Variants in DSC3 observed in about 807,000 individuals in gnomAD.
DSC3 encodes desmocollin 3.
In DSC3, 97 loss-of-function variants were observed where a neutral mutation model predicts 89.5. The observed-to-expected ratio is 1.08, with a 90% confidence interval of 0.92 to 1.28. The LOEUF (loss-of-function observed/expected upper bound fraction) is 1.28, where lower values mean the gene tolerates loss of function less well. Among genes scored for constraint, DSC3 ranks in the 50% most tolerant of loss-of-function variants. DSC3 has a pLI of 0.00. For missense variants in DSC3, 1,199 were observed against 1,085.3 expected, an observed-to-expected ratio of 1.10 and a Z score of -1.47; for synonymous variants, 436 against 384.1, an observed-to-expected ratio of 1.14 and a Z score of -1.58.
chr18:31,001,645 G>A lies in DSC3; in HGVS notation c.2208C>T (p.Asn736=). 3 of 1,611,140 alleles carry A rather than the reference G, an allele frequency of 1.9e-6. No homozygotes were observed. The highest frequency in any genetic ancestry group is 2.7e-5 in the African/African-American group (2 of 74,974). ...CTCTATCGTCTCCAGGTGCTTCTGTGTTTGATATAATTAAGTTTTGCTGTG... is the reference window on the plus strand; with the variant it reads ...CTCTATCGTCTCCAGGTGCTTCTGTATTTGATATAATTAAGTTTTGCTGTG... ...DLAQQNLIIS[N]TEAPGDDRVC... Residue 736 remains asparagine, a synonymous_variant, in exon 14 of 16, where the codon AAC becomes AAT. Coordinates refer to ENST00000360428, the MANE Select transcript of DSC3 (RefSeq NM_001941.5).
intron 5 of DSC3, among the ~76,000 whole-genome samples, 189 bp downstream of exon 5, chr18:31,025,571 G>T (rs1338207699): frequency 6.6e-6 from 1 of 152,046 alleles, no homozygotes; most frequent in Non-Finnish European, 1.5e-5. Flanking sequence ...TTCATTTCAG[G>T]CTTACCTAAC....
intron 15 of DSC3, among the ~76,000 whole-genome samples, 160 bp downstream of exon 15, chr18:30,996,631 A>T (rs1256877258): frequency 6.6e-6 from 1 of 152,162 alleles, no homozygotes; most frequent in East Asian, 1.9e-4. Flanking sequence ...ATCTCTTTTA[A>T]ATTAAATAAT....
intron 13 of DSC3, among the ~76,000 whole-genome samples, chr18:31,003,473 C>A (rs1984735575): frequency 6.6e-6 from 1 of 152,136 alleles, no homozygotes; most frequent in Non-Finnish European, 1.5e-5. Context: ...ACTTCACATG[C>A]ATTACCTCAT....
chr18:31,031,140 G>T lies in DSC3; in HGVS notation c.187C>A (p.Leu63Ile). Reference protein sequence around the residue: ...NLEECFRSADLIRSSDPDFRV... With the variant: ...NLEECFRSADIIRSSDPDFRV... Reference sequence around the variant, plus strand: ...AAATCAGGATCACTTGACCGGATGAGGTCTGCAGACCTGAAGCACTCTTCC... The same window carrying T: ...AAATCAGGATCACTTGACCGGATGATGTCTGCAGACCTGAAGCACTCTTCC... The change falls in exon 3 of 16, where the codon CTC becomes ATC. Residue 63 changes from leucine (L) to isoleucine (I), a missense_variant. Coordinates refer to ENST00000360428, the MANE Select transcript of DSC3 (RefSeq NM_001941.5). The T allele has an allele frequency of 6.2e-7, 1 of 1,613,222 alleles. No individual in the cohort carries two copies. The highest frequency in any genetic ancestry group is 8.5e-7 in the Non-Finnish European group (1 of 1,179,730).
chr18:31,033,618 A>T (rs1466321953), intron 1 of DSC3, among the ~76,000 whole-genome samples: 1 of 152,226 alleles, frequency 6.6e-6, no homozygotes, highest in East Asian at 1.9e-4. Context: ...ACAGACATAA[A>T]TGTAAGAAAT....
At chr18:31,007,892 AAG>A in intron 11 of DSC3, 122 bp downstream of exon 11, 1 of 894,320 alleles carries the variant, frequency 1.1e-6, no homozygotes, top group South Asian at 1.7e-5. Context: ...GAGAGACAGA[AAG>A]AGTCTTTAAA....
intron 1 of DSC3, among the ~76,000 whole-genome samples, chr18:31,032,585 T>TGTGCGTGTGC (rs1555634792): frequency 1.2e-4 from 14 of 117,718 alleles, no homozygotes; most frequent in Non-Finnish European, 1.9e-4. Context: ...TGTGTGTGTG[T>TGTGCGTGTGC]GTGTGCGTGT....
rs1448874017 is a variant in DSC3, at chr18:31,025,859, T to G, written c.531A>C (p.Gly177=). ...ACAAATTTAAAGGTTCTTTATCAAC[T>G]CCACGTCCACTTATTGAGTAGAAGA... is the stretch of plus-strand genomic sequence containing the variant. The part of the protein sequence containing the change: ...YTVFYSISGR[G]VDKEPLNLFY... Residue 177 remains glycine (G), a synonymous_variant, in exon 5 of 16, where the codon GGA becomes GGC. Coordinates refer to ENST00000360428, the MANE Select transcript of DSC3 (RefSeq NM_001941.5). 6.2e-7 allele frequency: 1 copy of G among 1,613,180 alleles called. No individual in the cohort carries two copies.
At chr18:31,029,407 A>T in intron 4 of DSC3, 102 bp downstream of exon 4, 1 of 1,456,028 alleles carries the variant, frequency 6.9e-7, no homozygotes. Context: ...GAACATCTTT[A>T]ATCAGATCTG....
rs114977869 is a variant in DSC3, at chr18:31,024,407, G to A, written c.717C>T (p.Asn239=). The A allele has an allele frequency of 1.2e-5, 20 of 1,609,908 alleles. No homozygotes were observed. In the East Asian group the frequency reaches 2.9e-4, roughly 23 times the overall value. The change falls in exon 6 of 16, where the codon AAC becomes AAT. Residue 239 remains asparagine, a synonymous_variant. Transcript: ENST00000360428. ...AAATTGCTTCTGTGAAAACAGGGTG[G>A]TTGTCATTTTCATCCTCTACCCTGA... The part of the protein sequence containing the change: ...LPIRVEDEND[N]HPVFTEAIYN...
At position 31,008,045 on chromosome 18, in the gene DSC3, T is replaced by G. The variant is rs1286794204; in HGVS notation, c.1634A>C (p.Tyr545Ser). 5.0e-6 allele frequency: 8 copies of G among 1,613,418 alleles called. No homozygotes were observed. Among genetic ancestry groups the G allele is most frequent in the Non-Finnish European group, 6.8e-6 (8 of 1,179,626 alleles). Reference sequence around the variant, plus strand: ...GTCTATTGCCAGGACTGTAATATTATACAACTCATTTTTGGGAGTTTCAAC... The same window carrying G: ...GTCTATTGCCAGGACTGTAATATTAGACAACTCATTTTTGGGAGTTTCAAC... ...REVETPKNEL[Y>S]NITVLAIDKD... is the part of the protein sequence containing the mutation. Residue 545 changes from tyrosine (Y) to serine (S), a missense_variant, in exon 11 of 16, where the codon TAT becomes TCT. Tyr to Ser is a moderately radical substitution (Grantham distance 144, BLOSUM62 -2). Coordinates refer to ENST00000360428, the MANE Select transcript of DSC3 (RefSeq NM_001941.5).
intron 14 of DSC3, among the ~76,000 whole-genome samples, chr18:31,000,217 C>A (rs1251686750): frequency 1.3e-5 from 2 of 152,116 alleles, no homozygotes; most frequent in African/African-American, 4.8e-5. Context: ...TTGTCCCTGG[C>A]TATAGCCTCT....
chr18:31,034,346 T>C (rs1985902904), intron 1 of DSC3, among the ~76,000 whole-genome samples: 1 of 152,166 alleles, frequency 6.6e-6, no homozygotes, highest in South Asian at 2.1e-4. Context: ...AATACCTATT[T>C]GCTAGGATAA....
chr18:30,995,971 TAAAAAAAAAAAAAAAA>T (rs1196444633), intron 15 of DSC3, among the ~76,000 whole-genome samples: 2 of 37,014 alleles, frequency 5.4e-5, no homozygotes, highest in East Asian at 9.2e-4. Flanking sequence ...GACCCTGCCT[TAAAAAAAAAAAAAAAA>T]AAAAAAAAAA....
intron 9 of DSC3, among the ~76,000 whole-genome samples, chr18:31,017,584 T>C (rs1317783720): frequency 6.6e-6 from 1 of 152,090 alleles, no homozygotes; most frequent in Non-Finnish European, 1.5e-5. Flanking sequence ...CAGGCATATA[T>C]TATAGAGAAA....
intron 9 of DSC3, among the ~76,000 whole-genome samples, chr18:31,015,737 G>A (rs553841779): frequency 2.0e-5 from 3 of 152,250 alleles, no homozygotes; most frequent in African/African-American, 7.2e-5. Context: ...TCTGAGCTTG[G>A]GTCTCTGACA....
chr18:31,013,535 A>T (rs954298295), intron 9 of DSC3, among the ~76,000 whole-genome samples: 1 of 152,162 alleles, frequency 6.6e-6, no homozygotes, highest in Non-Finnish European at 1.5e-5. Flanking sequence ...ATTGGTAAAA[A>T]TATTTGCAAA....
chr18:31,034,862 T>C (rs886261437), intron 1 of DSC3, among the ~76,000 whole-genome samples: 3 of 151,032 alleles, frequency 2.0e-5, no homozygotes, highest in Admixed American at 1.3e-4. Context: ...GAAAAACTTC[T>C]AAAATTAGAT....
At chr18:31,023,852 G>A (rs537068479) in intron 6 of DSC3, among the ~76,000 whole-genome samples, 4 of 152,018 alleles carry the variant, frequency 2.6e-5, no homozygotes, top group South Asian at 4.2e-4. Flanking sequence ...AAGTTATTCC[G>A]GTATTCATTC....
Sources: allele counts gnomAD v4.1 joint callset (sites outside exome capture counted in the v4.1 genomes callset), GRCh38; gene constraint gnomAD v4.1.1; transcripts MANE v1.5; gene names NCBI Gene and HGNC (gene_info 2026-07-23, HGNC 2026-07-21).